POLR2D: variants seen among roughly 807,000 people sequenced by gnomAD.
POLR2D encodes DNA-directed RNA polymerase II subunit RPB4.
Under a neutral mutation model 17.6 loss-of-function variants are expected in POLR2D, and 10 were observed. The ratio of observed to expected loss-of-function variants is 0.57; its 90% confidence interval spans 0.35 to 0.96. The LOEUF (loss-of-function observed/expected upper bound fraction) is 0.96, where lower values mean the gene tolerates loss of function less well. Among genes scored for constraint, POLR2D ranks in the 40% least tolerant of loss-of-function variants. The pLI, the probability that POLR2D is intolerant of heterozygous loss-of-function variation, is 0.02. For missense variants in POLR2D, 126 were observed against 176.4 expected, an observed-to-expected ratio of 0.71 and a Z score of 1.62; for synonymous variants, 52 against 60.2, an observed-to-expected ratio of 0.86 and a Z score of 0.63.
chr2:127,853,837 C>T (rs975255515), intron 1 of POLR2D, among the ~76,000 whole-genome samples: 1 of 151,302 alleles, frequency 6.6e-6, no homozygotes, highest in Admixed American at 6.6e-5. Flanking sequence ...TACCACAAGG[C>T]ACAGTTACAT....
At chr2:127,857,841 G>T in intron 1 of POLR2D, 187 bp downstream of exon 1, 1 of 1,321,984 alleles carries the variant, frequency 7.6e-7, no homozygotes. Flanking sequence ...AAATAACCCA[G>T]TTGCCCAGGC....
chr2:127,849,818 G>C (rs1363255904), intron 3 of POLR2D, among the ~76,000 whole-genome samples: 1 of 152,156 alleles, frequency 6.6e-6, no homozygotes, highest in Non-Finnish European at 1.5e-5. Context: ...GGCTGAGGCA[G>C]GCAGATCACT....
chr2:127,850,240 C>T (rs182912638), intron 3 of POLR2D, among the ~76,000 whole-genome samples: 1 of 151,622 alleles, frequency 6.6e-6, no homozygotes, highest in East Asian at 2.0e-4. Flanking sequence ...TGGGAGTTCG[C>T]GACTAGCCTG....
In POLR2D at chr2:127,847,937, T is replaced by C; in HGVS notation, c.*170A>G. 1.6e-6 allele frequency: 1 copy of C among 641,100 alleles called. No homozygotes were observed. Among genetic ancestry groups the C allele is most frequent in the East Asian group, 2.8e-5 (1 of 35,218 alleles). The allele number at this position is 641,100 out of a possible 1,614,324, so 39.7% of individuals were successfully genotyped here. ...TCCAAGATTCCATGTCACCTGGGCC[T>C]GTGAGTTATTTGAAACAGCAACCTA... On this transcript the variant is annotated 3_prime_UTR_variant, in exon 4 of 4. Coordinates refer to ENST00000272645, the MANE Select transcript of POLR2D (RefSeq NM_004805.4).
In POLR2D at chr2:127,845,372, A is replaced by ATTTTTT. The variant is rs1690136188; in HGVS notation, c.*2734_*2735insAAAAAA. ...ACTGTAGATTTGGGTAAGCAATTTC[A>ATTTTTT]CTTTTTTTTTTTTTTTTTTTTTGAG... On this transcript the variant is annotated 3_prime_UTR_variant, in exon 4 of 4. Coordinates refer to ENST00000272645, the MANE Select transcript of POLR2D (RefSeq NM_004805.4). 1 of 97,844 alleles carries ATTTTTT rather than the reference A, an allele frequency of 1.0e-5. No individual in the cohort carries two copies. The highest frequency in any genetic ancestry group is 5.7e-5 in the African/African-American group (1 of 17,474). The allele number at this position is 97,844 out of a possible 1,614,324, so 6.1% of individuals were successfully genotyped here. A position where few individuals can be genotyped will look rare whatever the true frequency, so the allele number is the denominator to read the frequency against.
In POLR2D at chr2:127,847,633, T is replaced by TA. The variant is rs755224601; in HGVS notation, c.*473dup. 1,025 of 145,974 alleles carry TA rather than the reference T, an allele frequency of 7.0e-3. 4 individuals carry two copies. The highest frequency in any genetic ancestry group is 0.012 in the South Asian group (74 of 6,194). The allele number at this position is 145,974 out of a possible 1,614,324, so 9.0% of individuals were successfully genotyped here. A position where few individuals can be genotyped will look rare whatever the true frequency, so the allele number is the denominator to read the frequency against. On this transcript the variant is annotated 3_prime_UTR_variant, in exon 4 of 4. Transcript: ENST00000272645. ...CAAGAGTTAAGACCCTATCTCCATT[T>TA]AAAAAAAAAAAAAAAAAGCATTTCA...
At position 127,850,440 on chromosome 2, in the gene POLR2D, C is replaced by CAAA. The variant is rs60975701; in HGVS notation, c.350+147_350+149dup. 704 of 108,034 alleles carry CAAA rather than the reference C, an allele frequency of 6.5e-3. 14 individuals carry two copies. Among genetic ancestry groups the CAAA allele is most frequent in the South Asian group, 0.017 (123 of 7,346 alleles). The allele number at this position is 108,034 out of a possible 1,614,324, so 6.7% of individuals were successfully genotyped here. On this transcript the variant is annotated intron_variant, in intron 3 of 3. Transcript: ENST00000272645. ...GGGCAACAAGAGCGAAACTCCGTCT[C>CAAA]AAAAAAAAAAAAAAAAAAAAAAAAG...
At chr2:127,854,166 A>T (rs1339959306) in intron 1 of POLR2D, among the ~76,000 whole-genome samples, 1 of 152,214 alleles carries the variant, frequency 6.6e-6, no homozygotes, top group East Asian at 1.9e-4. Context: ...TTTAAGAATT[A>T]GGTTTGAGAG....
intron 2 of POLR2D, 143 bp from the exon 3 acceptor site, chr2:127,850,828 T>C: frequency 3.4e-6 from 2 of 592,100 alleles, no homozygotes; most frequent in Non-Finnish European, 6.1e-6. Context: ...GGCTCACACC[T>C]GTAATTCCAG....
At chr2:127,855,615 A>C (rs1004442702) in intron 1 of POLR2D, among the ~76,000 whole-genome samples, 1 of 152,154 alleles carries the variant, frequency 6.6e-6, no homozygotes, top group Non-Finnish European at 1.5e-5. Context: ...AGTGCCTAGG[A>C]AAGTGGTGTC....
At chr2:127,848,544 T>C (rs866044714) in intron 3 of POLR2D, among the ~76,000 whole-genome samples, 1 of 151,592 alleles carries the variant, frequency 6.6e-6, no homozygotes, top group Middle Eastern at 3.4e-3. Context: ...CCAAACGGAG[T>C]CTTGCTCTGT....
In POLR2D at chr2:127,850,634, G is replaced by A. The variant is rs532057450; in HGVS notation, c.306C>T (p.Asn102=). 3.8e-5 allele frequency: 61 copies of A among 1,595,006 alleles called. No individual in the cohort carries two copies. The South Asian group carries it at 6.7e-4, about 17-fold the overall frequency. ...LHKFELACLA[N]LCPETAEESK... ...ACTCCTCAGCAGTCTCTGGGCAAAGGTTGGCCAAACAGGCCAACTCAAACT... is the reference window on the plus strand; with the variant it reads ...ACTCCTCAGCAGTCTCTGGGCAAAGATTGGCCAAACAGGCCAACTCAAACT... Residue 102 remains asparagine (N), a synonymous_variant, in exon 3 of 4, where the codon AAC becomes AAT. Coordinates refer to ENST00000272645, the MANE Select transcript of POLR2D (RefSeq NM_004805.4).
rs1355409353 is a variant in POLR2D at position 127,846,666 on chromosome 2, A to T, written c.*1441T>A. ...AGTAAAAAAAAAAAAAAATTTTTTT[A>T]AGTAGAATTGCAATTTTATTTTTCT... On this transcript the variant is annotated 3_prime_UTR_variant, in exon 4 of 4. Transcript: ENST00000272645. The T allele has an allele frequency of 6.6e-6, 1 of 152,396 alleles. No individual in the cohort carries two copies. Among genetic ancestry groups the T allele is most frequent in the Non-Finnish European group, 1.5e-5 (1 of 68,012 alleles). 9.4% of individuals were successfully genotyped at this position (152,396 alleles called of 1,614,324 possible). A position where few individuals can be genotyped will look rare whatever the true frequency, so the allele number is the denominator to read the frequency against.
rs1265758204 is a variant in POLR2D, at chr2:127,845,462, G to A, written c.*2645C>T. The A allele has an allele frequency of 4.4e-5, 6 of 137,070 alleles. No homozygotes were observed. In the East Asian group the frequency reaches 1.3e-3, roughly 29 times the overall value. The allele number at this position is 137,070 out of a possible 1,614,324, so 8.5% of individuals were successfully genotyped here. ...GCAATCTTGGCTCGCCACCCCCTCT[G>A]CCTCCCAGGTTCAAGCAATTCTCCT... On this transcript the variant is annotated 3_prime_UTR_variant, in exon 4 of 4. Coordinates refer to ENST00000272645, the MANE Select transcript of POLR2D (RefSeq NM_004805.4).
chr2:127,853,168 T>C, intron 1 of POLR2D, 63 bp from the exon 2 acceptor site: 1 of 1,304,252 alleles, frequency 7.7e-7, no homozygotes, highest in East Asian at 2.3e-5. Flanking sequence ...TTCTAAATGT[T>C]CACTGTGCAT....
chr2:127,853,236 T>G, intron 1 of POLR2D, 131 bp from the exon 2 acceptor site: 2 of 693,560 alleles, frequency 2.9e-6, no homozygotes, highest in South Asian at 3.7e-5. Context: ...CATCTGCTTT[T>G]TTTTGAACTT....
chr2:127,855,421 G>C (rs983361908), intron 1 of POLR2D, among the ~76,000 whole-genome samples: 1 of 143,306 alleles, frequency 7.0e-6, no homozygotes, highest in Non-Finnish European at 1.5e-5. Flanking sequence ...AAAAAAAAGA[G>C]AGATGGTCCC....
Position 127,852,832 on chromosome 2 carries a change from C to A in POLR2D, c.254+93G>T. The A allele has an allele frequency of 1.1e-6, 1 of 882,080 alleles. No homozygotes were observed. The highest frequency in any genetic ancestry group is 1.8e-6 in the Non-Finnish European group (1 of 552,262). 54.6% of individuals were successfully genotyped at this position (882,080 alleles called of 1,614,324 possible). On this transcript the variant is annotated intron_variant, in intron 2 of 3. Coordinates refer to ENST00000272645, the MANE Select transcript of POLR2D (RefSeq NM_004805.4). This position sits in a 1 kb window ranked among gnomAD's most constrained non-coding sequence, Gnocchi z 4.0. ...AGCCTAACATTATTTTACTTAAATTCACAAGTGACACCTGGGAAAGGGGGA... is the reference window on the plus strand; with the variant it reads ...AGCCTAACATTATTTTACTTAAATTAACAAGTGACACCTGGGAAAGGGGGA...
chr2:127,844,036 T>G lies in POLR2D; in HGVS notation c.*4071A>C, dbSNP rs1185311729. On this transcript the variant is annotated 3_prime_UTR_variant, in exon 4 of 4. Transcript: ENST00000272645. The stretch of plus-strand genomic sequence containing the variant: ...GGATGATCGCTGGAGAGTGGGAGAT[T>G]GAGGCTGCAGTGAACCTTAATCATG... 6.9e-6 allele frequency: 1 copy of G among 144,556 alleles called. No individual in the cohort carries two copies. The highest frequency in any genetic ancestry group is 1.5e-5 in the Non-Finnish European group (1 of 67,348). The allele number at this position is 144,556 out of a possible 1,614,324, so 9.0% of individuals were successfully genotyped here.
Sources: allele counts gnomAD v4.1 joint callset (sites outside exome capture counted in the v4.1 genomes callset), GRCh38; gene constraint gnomAD v4.1.1; non-coding constraint Gnocchi (gnomAD v3.1); transcripts MANE v1.5; gene names NCBI Gene and HGNC (gene_info 2026-07-23, HGNC 2026-07-21).